Variants in SLC36A1 observed in about 807,000 individuals in gnomAD.
SLC36A1 encodes the protein solute carrier family 36 member 1, also known as proton-coupled amino acid transporter 1.
In SLC36A1, 30 loss-of-function variants were observed where a neutral mutation model predicts 47.5. The ratio of observed to expected loss-of-function variants is 0.63; its 90% CI spans 0.47 to 0.86. The LOEUF is 0.86. SLC36A1 is among the 40% of genes least tolerant of loss of function. The pLI is 0.00. For synonymous variants in SLC36A1, 255 were observed against 249.7 expected (o/e 1.02, Z -0.20); for missense variants, 517 against 606.0 (o/e 0.85, Z 1.54).
At chr5:151,536,941 G>A in the SLC36A1 span, among the ~76,000 whole-genome samples, 5 of 152,158 alleles carry the variant, frequency 3.3e-5, no homozygotes, top group Admixed American at 6.5e-5. Context: ...CTCAGTGTGT[G>A]TACTATTTCC....
chr5:151,435,016 T>C (rs1002451028), upstream of SLC36A1, among the ~76,000 whole-genome samples: 5 of 152,176 alleles, frequency 3.3e-5, no homozygotes, highest in Admixed American at 1.3e-4. Context: ...TTTGAAAAGA[T>C]AATGGCTGAG....
At chr5:151,383,977 C>T in the SLC36A1 span, among the ~76,000 whole-genome samples, 44,610 of 151,748 alleles carry the variant, frequency 0.29, 7,911 homozygotes, top group African/African-American at 0.49. Flanking sequence ...CATTGTAAAA[C>T]GTAGTGGAAA....
chr5:151,469,639 T>C (rs1314186242), intron 7 of SLC36A1, among the ~76,000 whole-genome samples: 1 of 152,176 alleles, frequency 6.6e-6, no homozygotes, highest in Non-Finnish European at 1.5e-5. Flanking sequence ...TTTTGAATTT[T>C]TGTTATGTTA....
At chr5:151,409,039 C>T in the SLC36A1 span, among the ~76,000 whole-genome samples, 9 of 143,454 alleles carry the variant, frequency 6.3e-5, no homozygotes, top group Non-Finnish European at 1.2e-4. Context: ...CACTGTGTTG[C>T]TCAGGCTGGA....
the SLC36A1 span, among the ~76,000 whole-genome samples, chr5:151,509,214 C>T: frequency 6.6e-6 from 1 of 152,210 alleles, no homozygotes; most frequent in East Asian, 1.9e-4. Flanking sequence ...TTTCAGACTG[C>T]AGCAAGGACC....
rs1756046919 is a variant in SLC36A1, at chr5:151,464,519, T to C, written c.240T>C (p.Gly80=). 6.2e-7 allele frequency: 1 copy of C among 1,613,668 alleles called. No homozygotes were observed. The highest frequency in any genetic ancestry group is 1.7e-5 in the Admixed American group (1 of 60,000). Residue 80 remains glycine, a synonymous_variant, in exon 4 of 11, where the codon GGT becomes GGC. Coordinates refer to ENST00000243389, the MANE Select transcript of SLC36A1 (RefSeq NM_078483.4). The part of the protein sequence containing the change: ...LAVKNAGIVM[G]PISLLIIGIV... ...CCTGCAATATCTGTCCCCAGATGGG[T>C]CCCATCAGCCTGCTGATCATAGGCA...
chr5:151,457,593 G>C (rs566068586), intron 1 of SLC36A1, among the ~76,000 whole-genome samples: 251 of 152,296 alleles, frequency 1.6e-3, no homozygotes, highest in Middle Eastern at 3.4e-3. Context: ...ACGAGGGCCA[G>C]GGTGAGCACC....
chr5:151,443,208 C>A (rs2127442192), upstream of SLC36A1, among the ~76,000 whole-genome samples: 1 of 152,004 alleles, frequency 6.6e-6, no homozygotes, highest in South Asian at 2.1e-4. Flanking sequence ...CTTTAGAAAC[C>A]TTTATACTGT....
At chr5:151,505,730 G>A in the SLC36A1 span, 1 of 1,613,790 alleles carries the variant, frequency 6.2e-7, no homozygotes, top group Non-Finnish European at 8.5e-7. Flanking sequence ...CCACCCCCTT[G>A]TAGCCCCCGT....
intron 2 of SLC36A1, among the ~76,000 whole-genome samples, chr5:151,462,314 G>A (rs1755638389): frequency 6.6e-6 from 1 of 151,828 alleles, no homozygotes; most frequent in Non-Finnish European, 1.5e-5. Flanking sequence ...ATGATGTTAG[G>A]AATTCTGCAT....
upstream of SLC36A1, among the ~76,000 whole-genome samples, chr5:151,433,091 A>T (rs1759465103): frequency 6.6e-6 from 1 of 151,064 alleles, no homozygotes; most frequent in African/African-American, 2.4e-5. Context: ...TCAATAAAGC[A>T]TTGTGATTCT....
At chr5:151,384,230 C>A in the SLC36A1 span, among the ~76,000 whole-genome samples, 13 of 152,196 alleles carry the variant, frequency 8.5e-5, no homozygotes, top group Admixed American at 3.3e-4. Context: ...GGAGATCCAA[C>A]ATGTATCCTC....
At chr5:151,515,682 A>G in the SLC36A1 span, among the ~76,000 whole-genome samples, 1 of 152,170 alleles carries the variant, frequency 6.6e-6, no homozygotes, top group Admixed American at 6.5e-5. Context: ...TTTGCCTTCA[A>G]AATCTTTGTA....
the SLC36A1 span, chr5:151,512,064 TGGAACCA>T: frequency 9.0e-7 from 1 of 1,113,714 alleles, no homozygotes; most frequent in Non-Finnish European, 1.3e-6. The surrounding 1 kb of genome is among the most constrained non-coding windows in gnomAD (Gnocchi z 4.1). Context: ...GAGAGAAATT[TGGAACCA>T]GGAGGCTCTG....
chr5:151,373,704 A>T, the SLC36A1 span, among the ~76,000 whole-genome samples: 4 of 152,240 alleles, frequency 2.6e-5, no homozygotes, highest in Non-Finnish European at 5.9e-5. Context: ...GGAGATGGTT[A>T]AAGTATAAAA....
intron 10 of SLC36A1, among the ~76,000 whole-genome samples, chr5:151,484,717 G>A (rs1759285554): frequency 1.3e-5 from 2 of 152,172 alleles, no homozygotes; most frequent in Admixed American, 1.3e-4. Flanking sequence ...TTTTTAGAAC[G>A]CTGAGTTCTT....
chr5:151,416,468 A>G, the SLC36A1 span, among the ~76,000 whole-genome samples: 1 of 152,266 alleles, frequency 6.6e-6, no homozygotes, highest in Non-Finnish European at 1.5e-5. Flanking sequence ...TTTCTTATAC[A>G]TGATTGCTGG....
At chr5:151,529,526 C>T in the SLC36A1 span, 3 of 664,876 alleles carry the variant, frequency 4.5e-6, no homozygotes, top group Non-Finnish European at 5.3e-6. Flanking sequence ...GTCATCTCCC[C>T]ATCCATCTCC....
intron 1 of SLC36A1, among the ~76,000 whole-genome samples, chr5:151,452,973 G>A (rs943739968): frequency 2.0e-4 from 30 of 148,952 alleles, no homozygotes; most frequent in African/African-American, 6.9e-4. Flanking sequence ...AGGCCAAGGT[G>A]GGTGGACCAC....
Sources: gnomAD v4.1 joint callset for allele counts (sites outside exome capture counted in the v4.1 genomes callset) on GRCh38, gnomAD v4.1.1 for gene constraint, Gnocchi (gnomAD v3.1) non-coding constraint, MANE v1.5 for transcripts, NCBI Gene and HGNC (gene_info 2026-07-23, HGNC 2026-07-21) for gene names.